CFAP43: variants seen among roughly 807,000 people sequenced by gnomAD.
CFAP43 encodes cilia and flagella associated protein 43.
A neutral mutation model predicts 218.9 loss-of-function variants in CFAP43; 155 were observed. The observed-to-expected ratio is 0.71, with a 90% CI of 0.62 to 0.81. The LOEUF (loss-of-function observed/expected upper bound fraction) is 0.81, where lower values mean the gene tolerates loss of function less well. Ranked by LOEUF, CFAP43 falls within the 30% of genes least tolerant of loss-of-function variation. The pLI is 0.00. For missense variants in CFAP43, 1,778 were observed against 1,954.3 expected, an observed-to-expected ratio of 0.91 and a Z score of 1.70; for synonymous variants, 645 against 681.3, an observed-to-expected ratio of 0.95 and a Z score of 0.83.
At chr10:104,221,713 C>G (rs1320801256) in intron 3 of CFAP43, among the ~76,000 whole-genome samples, 1 of 152,148 alleles carries the variant, frequency 6.6e-6, no homozygotes, top group Admixed American at 6.5e-5. Flanking sequence ...TTATATGAAA[C>G]CATCTTACAT....
At chr10:104,210,949 C>A (rs1362861519) in intron 5 of CFAP43, among the ~76,000 whole-genome samples, 2 of 151,974 alleles carry the variant, frequency 1.3e-5, no homozygotes, top group Non-Finnish European at 2.9e-5. Context: ...CGCCACCATG[C>A]CCGGCTAATT....
Position 104,188,300 on chromosome 10 carries a change from T to A in CFAP43, c.1657A>T (p.Met553Leu). Residue 553 changes from methionine to leucine, a missense_variant, in exon 13 of 38, where the codon ATG (methionine) becomes TTG (leucine). This residue lies in a region of CFAP43 where 1,553 missense variants were observed against 1,685.2 expected (regional missense o/e 0.92). Coordinates refer to ENST00000357060, the MANE Select transcript of CFAP43 (RefSeq NM_025145.7). Reference protein sequence around the residue: ...LPEAGRSRLEMFTLPTLLPQV... With the variant: ...LPEAGRSRLELFTLPTLLPQV... ...GGCAGTAATGTAGGCAGTGTGAACA[T>A]CTCCAACCTGCTTCTCCCTGCTTCT... The A allele has an allele frequency of 2.5e-6, 4 of 1,614,164 alleles. No homozygotes were observed. The highest frequency in any genetic ancestry group is 3.4e-6 in the Non-Finnish European group (4 of 1,180,030).
chr10:104,161,075 C>CT lies in CFAP43; in HGVS notation c.3501dup (p.Val1168SerfsTer6). 6.2e-7 allele frequency: 1 copy of CT among 1,612,610 alleles called. No homozygotes were observed. The highest frequency in any genetic ancestry group is 8.5e-7 in the Non-Finnish European group (1 of 1,178,864). On this transcript the variant is annotated frameshift_variant, in exon 27 of 38. Transcript: ENST00000357060. LOFTEE classifies it high-confidence loss of function. ...TCTCTTTCTTCATTTAACTCCTTTA[C>CT]TTTTTTCTCATAATCTTTGAATTGT... is the stretch of plus-strand genomic sequence containing the variant.
chr10:104,218,119 C>CG (rs936468754), intron 3 of CFAP43, among the ~76,000 whole-genome samples: 1 of 151,928 alleles, frequency 6.6e-6, no homozygotes, highest in Non-Finnish European at 1.5e-5. Flanking sequence ...GAGGCTGAGG[C>CG]GGGCGGCTCA....
intron 34 of CFAP43, 118 bp downstream of exon 34, chr10:104,140,724 G>T: frequency 1.4e-6 from 1 of 699,726 alleles, no homozygotes; most frequent in Non-Finnish European, 2.2e-6. Context: ...AAGGTGGGAG[G>T]ATCTATTGAG....
chr10:104,141,008 T>A lies in CFAP43; in HGVS notation c.4272-7A>T, dbSNP rs185208824. 6.2e-7 allele frequency: 1 copy of A among 1,604,228 alleles called. No homozygotes were observed. Among genetic ancestry groups the A allele is most frequent in the East Asian group, 2.2e-5 (1 of 44,770 alleles). On this transcript the variant is annotated splice_region_variant and splice_polypyrimidine_tract_variant and intron_variant, in intron 33 of 37. Transcript: ENST00000357060. ...CACTTTCTCTTCCTGTAATCTGAAT[T>A]GAAAAGTACTTCAAAGCAAGTAGTT... is the stretch of plus-strand genomic sequence containing the variant.
rs776766159 is a variant in CFAP43, at chr10:104,146,256, C to T, written c.3855+7G>A. On this transcript the variant is annotated splice_region_variant and intron_variant, in intron 30 of 37. Transcript: ENST00000357060. ...CATTGTTGAGTGGGTAAGACAACAA[C>T]TCTCACTTTGTCTTCTGCCAGTAAG... 6.2e-7 allele frequency: 1 copy of T among 1,611,898 alleles called. No homozygotes were observed. Among genetic ancestry groups the T allele is most frequent in the Non-Finnish European group, 8.5e-7 (1 of 1,178,090 alleles).
chr10:104,148,136 A>G, intron 28 of CFAP43, 138 bp from the exon 29 acceptor site: 1 of 443,530 alleles, frequency 2.3e-6, no homozygotes, highest in Non-Finnish European at 3.9e-6. Context: ...TTAAAGAAAA[A>G]GGGAATACAG....
rs565416599 is a variant in CFAP43 at position 104,232,192 on chromosome 10, A to C, written c.55T>G (p.Leu19Val). The C allele has an allele frequency of 1.9e-6, 3 of 1,609,544 alleles. No individual in the cohort carries two copies. In the South Asian group the frequency reaches 3.3e-5, roughly 18 times the overall value. ...EGPHSAGGAS[L>V]SVRWVQGFPK... ...CCGTGAACACCGCACCTCACGGACA[A>C]GGACGCGCCGCCGGCGGAGTGGGGG... is the stretch of plus-strand genomic sequence containing the variant. The change falls in exon 1 of 38, where the codon TTG becomes GTG. Residue 19 changes from leucine to valine, a missense_variant. By Grantham distance (32) the Leu-to-Val change is conservative. Around this residue, in one of 3 missense-constraint regions of CFAP43, gnomAD observed 1,553 missense variants for 1,685.2 expected, o/e 0.92. Transcript: ENST00000357060.
At position 104,203,796 on chromosome 10, in the gene CFAP43, A is replaced by T. The variant is rs576032525; in HGVS notation, c.971T>A (p.Phe324Tyr). Residue 324 changes from phenylalanine to tyrosine, a missense_variant, in exon 8 of 38, where the codon TTT becomes TAT. Physicochemically the swap from Phe to Tyr is conservative, Grantham distance 22. Around this residue, in one of 3 missense-constraint regions of CFAP43, gnomAD observed 1,553 missense variants for 1,685.2 expected, o/e 0.92. Coordinates refer to ENST00000357060, the MANE Select transcript of CFAP43 (RefSeq NM_025145.7). ...ATCTTTAATAATAAAAGAATACACA[A>T]AGCCATCCTAGAGATGAGTGAGATA... is the stretch of plus-strand genomic sequence containing the variant. ...EGVLASGIDG[F>Y]VYSFIIKDRS... is the part of the protein sequence containing the mutation. The T allele has an allele frequency of 1.9e-6, 3 of 1,602,246 alleles. No individual in the cohort carries two copies. Among genetic ancestry groups the T allele is most frequent in the Non-Finnish European group, 2.6e-6 (3 of 1,175,910 alleles).
intron 18 of CFAP43, 55 bp from the exon 19 acceptor site, chr10:104,179,161 G>C (rs1020950769): frequency 7.1e-5 from 74 of 1,044,154 alleles, no homozygotes; most frequent in Middle Eastern, 5.0e-4. Flanking sequence ...CAGACAGAGA[G>C]AGAGAGAGAG....
intron 20 of CFAP43, among the ~76,000 whole-genome samples, chr10:104,170,998 C>G (rs941552798): frequency 6.6e-6 from 1 of 152,164 alleles, no homozygotes; most frequent in Non-Finnish European, 1.5e-5. Context: ...GCTTGACATT[C>G]TCTTCCCTCA....
At chr10:104,173,707 C>A (rs548839810) in intron 19 of CFAP43, among the ~76,000 whole-genome samples, 1 of 152,190 alleles carries the variant, frequency 6.6e-6, no homozygotes, top group Non-Finnish European at 1.5e-5. Flanking sequence ...ACACCACCCA[C>A]CCCTTCACTT....
At chr10:104,131,592 A>G in intron 36 of CFAP43, 108 bp from the exon 37 acceptor site, 2 of 1,235,892 alleles carry the variant, frequency 1.6e-6, no homozygotes, top group Non-Finnish European at 2.2e-6. Flanking sequence ...TCATTAAGAT[A>G]ACATCTTACC....
At position 104,187,708 on chromosome 10, in the gene CFAP43, C is replaced by T. The variant is rs569282486; in HGVS notation, c.1688-216G>A. Among the ~76,000 whole-genome samples the T allele has an allele frequency of 1.2e-3, 176 of 152,226 alleles. 1 individual carries two copies. Among genetic ancestry groups the T allele is most frequent in the Non-Finnish European group, 2.1e-3 (142 of 68,014 alleles). On this transcript the variant is annotated intron_variant, in intron 13 of 37. Transcript: ENST00000357060. ...AGTGGGTAAAATATTTCTGTAATGC[C>T]TTGATTAATTTTTAATCAATTAACT...
At chr10:104,154,681 T>C (rs770271036) in intron 27 of CFAP43, among the ~76,000 whole-genome samples, 8 of 152,186 alleles carry the variant, frequency 5.3e-5, no homozygotes, top group Non-Finnish European at 1.2e-4. Flanking sequence ...ACACTGAGAT[T>C]CTGGGCCTTT....
At chr10:104,166,463 C>T (rs765629460) in intron 23 of CFAP43, 25 bp downstream of exon 23, 17 of 1,570,100 alleles carry the variant, frequency 1.1e-5, no homozygotes, top group Non-Finnish European at 1.5e-5. Flanking sequence ...AGAGATTTTT[C>T]AGGATAAAAA....
intron 27 of CFAP43, among the ~76,000 whole-genome samples, chr10:104,155,705 T>C (rs1020417223): frequency 2.0e-5 from 3 of 151,836 alleles, no homozygotes; most frequent in Non-Finnish European, 2.9e-5. Context: ...GATCTCAAAG[T>C]GGTGAGAATG....
At chr10:104,141,699 T>G (rs752206975) in intron 33 of CFAP43, among the ~76,000 whole-genome samples, 8 of 152,220 alleles carry the variant, frequency 5.3e-5, no homozygotes, top group Non-Finnish European at 8.8e-5. Flanking sequence ...ATATTTAATA[T>G]GTAAGTTACT....
Sources: gnomAD v4.1 joint callset for allele counts (sites outside exome capture counted in the v4.1 genomes callset) on GRCh38, gnomAD v4.1.1 for gene constraint, gnomAD v4.1.1 regional missense constraint, MANE v1.5 for transcripts, NCBI Gene and HGNC (gene_info 2026-07-23, HGNC 2026-07-21) for gene names.